Variants in CLU observed in about 807,000 individuals in gnomAD.
CLU encodes clusterin.
In CLU, 25 loss-of-function variants were observed where a neutral mutation model predicts 46.4. The ratio of observed to expected loss-of-function variants is 0.54; its 90% confidence interval spans 0.39 to 0.75. The LOEUF (loss-of-function observed/expected upper bound fraction) is 0.75, where lower values mean the gene tolerates loss of function less well. Ranked by LOEUF, CLU falls within the 30% of genes least tolerant of loss-of-function variation. The probability of loss-of-function intolerance (pLI) is 0.00; values close to 1 mark genes in which losing one functional copy is unlikely to be tolerated. For synonymous variants in CLU, 235 were observed against 235.1 expected (o/e 1.00, Z 0.00); for missense variants, 504 against 592.1 (o/e 0.85, Z 1.54).
chr8:27,606,429 C>T lies in CLU; in HGVS notation c.342G>A (p.Lys114=), dbSNP rs1800823524. Residue 114 remains lysine (K), a synonymous_variant, in exon 4 of 9, where the codon AAG becomes AAA. Transcript: ENST00000316403. The part of the protein sequence containing the change: ...ETMMALWEEC[K]PCLKQTCMKF... ...TCATGCAGGTCTGTTTCAGGCAGGG[C>T]TTACACTCTTCCCAGAGGGCCATCA... is the stretch of plus-strand genomic sequence containing the variant. 1 of 1,614,264 alleles carries T rather than the reference C, an allele frequency of 6.2e-7. No homozygotes were observed. The highest frequency in any genetic ancestry group is 1.1e-5 in the South Asian group (1 of 91,092).
At chr8:27,603,548 A>G (rs535055866) in intron 6 of CLU, among the ~76,000 whole-genome samples, 1 of 152,328 alleles carries the variant, frequency 6.6e-6, no homozygotes, top group African/African-American at 2.4e-5. Flanking sequence ...TGTTATCTCT[A>G]AGTGGAAAGA....
At chr8:27,598,876 C>A in intron 7 of CLU, 1 of 555,740 alleles carries the variant, frequency 1.8e-6, no homozygotes, top group Non-Finnish European at 3.2e-6. Flanking sequence ...GCCCAGGGAG[C>A]ACCCCAAAGA....
chr8:27,601,347 G>A (rs1800718270), intron 6 of CLU, among the ~76,000 whole-genome samples: 1 of 152,144 alleles, frequency 6.6e-6, no homozygotes, highest in Non-Finnish European at 1.5e-5. Context: ...AATGCACCCG[G>A]TCCAAACTTG....
At chr8:27,610,634 T>C (rs1451322087) in intron 1 of CLU, 34 bp from the exon 2 acceptor site, 6 of 1,545,148 alleles carry the variant, frequency 3.9e-6, no homozygotes, top group Non-Finnish European at 5.4e-6. Flanking sequence ...TGGGAACAGC[T>C]AGACAGCCTG....
At chr8:27,613,661 C>G (rs1427480077) in intron 1 of CLU, 1 of 152,222 alleles carries the variant, frequency 6.6e-6, no homozygotes, top group Non-Finnish European at 1.5e-5. Flanking sequence ...CAAGATTCTT[C>G]ACATTCACCA....
Position 27,606,446 on chromosome 8 carries a change from G to A in CLU, c.325C>T (p.Leu109Phe), listed in dbSNP as rs11555226. Residue 109 changes from leucine (L) to phenylalanine (F), a missense_variant, in exon 4 of 9, where the codon CTC (leucine) becomes TTC (phenylalanine). Leu to Phe is a conservative substitution (Grantham distance 22, BLOSUM62 0). Transcript: ENST00000316403. ...PGVCNETMMALWEECKPCLKQ... is the reference protein window; with the variant it reads ...PGVCNETMMAFWEECKPCLKQ... ...AGGCAGGGCTTACACTCTTCCCAGA[G>A]GGCCATCATGGTCTCATTGCACACT... 6.2e-7 allele frequency: 1 copy of A among 1,614,104 alleles called. No individual in the cohort carries two copies. Among genetic ancestry groups the A allele is most frequent in the African/African-American group, 1.3e-5 (1 of 74,932 alleles).
chr8:27,610,738 T>G (rs1800911330), intron 1 of CLU, 138 bp from the exon 2 acceptor site: 3 of 673,500 alleles, frequency 4.5e-6, no homozygotes, highest in Non-Finnish European at 8.0e-6. Flanking sequence ...CTTTTATTCC[T>G]GAGGAAATGG....
rs376491107 is a variant in CLU at position 27,599,740 on chromosome 8, G to T, written c.1164+40C>A. On this transcript the variant is annotated intron_variant, in intron 7 of 8. Transcript: ENST00000316403. The surrounding 1 kb of genome is among the most constrained non-coding windows in gnomAD (Gnocchi z 4.0). ...ATGCCCCTGCTCCCGATCACAGCTC[G>T]GGCTCCCGAGCCACAGCATGTGGCC... is the stretch of plus-strand genomic sequence containing the variant. 1.4e-4 allele frequency: 207 copies of T among 1,464,770 alleles called. 3 individuals are homozygous for T. The South Asian group carries it at 2.3e-3, about 16-fold the overall frequency. The allele number at this position is 1,464,770 out of a possible 1,614,324, so 90.7% of individuals were successfully genotyped here.
intron 7 of CLU, chr8:27,598,894 T>C (rs1800666451): frequency 3.9e-6 from 2 of 506,852 alleles, no homozygotes; most frequent in South Asian, 4.4e-5. Context: ...AGAATAAAAG[T>C]GGTTTCCAAA....
Position 27,610,585 on chromosome 8 carries a change from G to C in CLU, c.-14C>G, listed in dbSNP as rs762968030. On this transcript the variant is annotated 5_prime_UTR_variant, in exon 2 of 9. Coordinates refer to ENST00000316403, the MANE Select transcript of CLU (RefSeq NM_001831.4). ...AGTCTTCATCATGCCTCCAATTCTG[G>C]AGTCTTTGCACGCCTCTGCAGAGAA... 1.2e-6 allele frequency: 2 copies of C among 1,613,338 alleles called. No homozygotes were observed. The highest frequency in any genetic ancestry group is 4.5e-5 in the East Asian group (2 of 44,892).
At chr8:27,610,327 C>T (rs1800899694) in intron 2 of CLU, 148 bp downstream of exon 2, 1 of 719,846 alleles carries the variant, frequency 1.4e-6, no homozygotes, top group Non-Finnish European at 2.5e-6. Flanking sequence ...CAGAGTGGGC[C>T]CAGACACAGG....
At chr8:27,613,924 C>G (rs1392827421) in intron 1 of CLU, 2 of 152,144 alleles carry the variant, frequency 1.3e-5, no homozygotes, top group East Asian at 3.8e-4. Context: ...TCCAGAAATT[C>G]TGGAAGGTCA....
chr8:27,602,342 C>T (rs1420393243), intron 6 of CLU, among the ~76,000 whole-genome samples: 1 of 152,144 alleles, frequency 6.6e-6, no homozygotes, highest in Non-Finnish European at 1.5e-5. Flanking sequence ...ACTGCTCACA[C>T]CTGTAATCCC....
At chr8:27,609,250 GCACAGGCTCCCAT>G (rs1312356352) in intron 2 of CLU, among the ~76,000 whole-genome samples, 164 bp from the exon 3 acceptor site, 2 of 152,162 alleles carry the variant, frequency 1.3e-5, no homozygotes, top group Non-Finnish European at 2.9e-5. Flanking sequence ...CCTTGCCCTG[GCACAGGCTCCCAT>G]CACAGGCTCC....
intron 6 of CLU, 71 bp from the exon 7 acceptor site, chr8:27,600,080 G>T: frequency 1.7e-6 from 2 of 1,198,314 alleles, no homozygotes; most frequent in Non-Finnish European, 2.5e-6. Flanking sequence ...AACCATGAAT[G>T]AATGGAAGTT....
At chr8:27,604,486 ATT>A in intron 5 of CLU, 91 bp from the exon 6 acceptor site, 2 of 1,084,268 alleles carry the variant, frequency 1.8e-6, no homozygotes, top group Non-Finnish European at 2.7e-6. Flanking sequence ...TTATTTTTTA[ATT>A]TACAGACAGG....
intron 5 of CLU, 127 bp from the exon 6 acceptor site, chr8:27,604,522 G>A: frequency 1.2e-6 from 1 of 830,552 alleles, no homozygotes; most frequent in Non-Finnish European, 2.0e-6. Context: ...GCCCAGGCTG[G>A]AATGCAATGG....
chr8:27,603,951 G>A (rs1047127026), intron 6 of CLU, among the ~76,000 whole-genome samples: 3 of 152,220 alleles, frequency 2.0e-5, no homozygotes, highest in African/African-American at 4.8e-5. Flanking sequence ...TGCCTACTGC[G>A]CTTGGCGCTT....
intron 5 of CLU, 24 bp downstream of exon 5, chr8:27,604,892 TCAAAAGGC>T (rs1800787474): frequency 6.2e-7 from 1 of 1,613,618 alleles, no homozygotes. Flanking sequence ...AACGAGTTGC[TCAAAAGGC>T]CATGAGCTTC....
Sources: allele counts gnomAD v4.1 joint callset (sites outside exome capture counted in the v4.1 genomes callset), GRCh38; gene constraint gnomAD v4.1.1; non-coding constraint Gnocchi (gnomAD v3.1); transcripts MANE v1.5; gene names NCBI Gene and HGNC (gene_info 2026-07-23, HGNC 2026-07-21).